The following NPAS3 variants were observed in gnomAD, a reference collection of about 807,000 sequenced individuals.
The protein encoded by NPAS3 is neuronal PAS domain-containing protein 3.
In NPAS3, 14 loss-of-function variants were observed where a neutral mutation model predicts 73.1. The observed-to-expected ratio is 0.19, with a 90% confidence interval of 0.13 to 0.30. The LOEUF (loss-of-function observed/expected upper bound fraction) is 0.30, where lower values mean the gene tolerates loss of function less well. Among genes scored for constraint, NPAS3 ranks in the 10% least tolerant of loss-of-function variants. NPAS3 has a pLI of 1.00. For missense variants in NPAS3, 1,096 were observed against 1,250.0 expected, an observed-to-expected ratio of 0.88 and a Z score of 1.86; for synonymous variants, 620 against 541.5, an observed-to-expected ratio of 1.14 and a Z score of -2.01.
chr14:33,120,733 G>A (rs560011741), intron 2 of NPAS3, among the ~76,000 whole-genome samples: 1 of 152,086 alleles, frequency 6.6e-6, no homozygotes, highest in African/African-American at 2.4e-5. Context: ...CAAGATGCCC[G>A]GATGATTCCT....
chr14:33,776,654 T>C (rs544471260), intron 8 of NPAS3, among the ~76,000 whole-genome samples: 2 of 148,724 alleles, frequency 1.3e-5, no homozygotes, highest in Admixed American at 1.4e-4. Flanking sequence ...GTATGAAAGG[T>C]AATTGCATAT....
chr14:33,746,648 T>G (rs760729927), intron 7 of NPAS3, among the ~76,000 whole-genome samples: 29 of 152,134 alleles, frequency 1.9e-4, no homozygotes, highest in Non-Finnish European at 3.4e-4. Flanking sequence ...GTGAGACATG[T>G]ATTATCACTC....
chr14:33,567,622 C>T (rs556524950), intron 5 of NPAS3, among the ~76,000 whole-genome samples: 6 of 152,278 alleles, frequency 3.9e-5, no homozygotes, highest in Admixed American at 6.5e-5. Flanking sequence ...AAATGCCATC[C>T]GAATTTCCAG....
At chr14:33,307,049 C>T (rs994584791) in intron 3 of NPAS3, among the ~76,000 whole-genome samples, 4 of 152,156 alleles carry the variant, frequency 2.6e-5, no homozygotes, top group African/African-American at 9.7e-5. Context: ...TCTGACCTGG[C>T]TATTGCAGTG....
chr14:33,381,328 A>G (rs1298224959), intron 4 of NPAS3, among the ~76,000 whole-genome samples: 1 of 152,200 alleles, frequency 6.6e-6, no homozygotes. Context: ...TGGTACTTTC[A>G]GTTGGTACCT....
chr14:33,178,274 C>T (rs2045670222), intron 2 of NPAS3, among the ~76,000 whole-genome samples: 1 of 151,890 alleles, frequency 6.6e-6, no homozygotes, highest in Admixed American at 6.6e-5. Flanking sequence ...GGAGTTTCAC[C>T]ATGTTGGCCA....
chr14:33,167,939 C>T (rs975221103), intron 2 of NPAS3, among the ~76,000 whole-genome samples: 2 of 152,174 alleles, frequency 1.3e-5, no homozygotes, highest in Admixed American at 6.5e-5. Flanking sequence ...CTGGGAGATG[C>T]GATCGCCTAA....
At chr14:33,163,020 T>C (rs1380481512) in intron 2 of NPAS3, among the ~76,000 whole-genome samples, 1 of 152,172 alleles carries the variant, frequency 6.6e-6, no homozygotes, top group Non-Finnish European at 1.5e-5. Flanking sequence ...CAGTGACACC[T>C]CTTAACATCA....
chr14:33,775,123 C>T (rs1332130879), intron 8 of NPAS3, among the ~76,000 whole-genome samples: 2 of 152,226 alleles, frequency 1.3e-5, no homozygotes, highest in East Asian at 3.9e-4. Flanking sequence ...ACTTTTTAGC[C>T]TCTGGTTAAA....
chr14:33,330,014 G>T (rs1466654287), intron 3 of NPAS3, among the ~76,000 whole-genome samples: 6 of 152,112 alleles, frequency 3.9e-5, no homozygotes, highest in South Asian at 4.1e-4. Context: ...GGGAGGCCAA[G>T]GTAGGCAGAT....
At chr14:33,624,100 T>A (rs1341478969) in intron 5 of NPAS3, among the ~76,000 whole-genome samples, 1 of 152,212 alleles carries the variant, frequency 6.6e-6, no homozygotes, top group Non-Finnish European at 1.5e-5. Context: ...AACCACTTTC[T>A]GACTTTATTT....
intron 3 of NPAS3, among the ~76,000 whole-genome samples, chr14:33,359,680 G>A (rs1216802032): frequency 6.6e-6 from 1 of 152,172 alleles, no homozygotes; most frequent in East Asian, 1.9e-4. Flanking sequence ...AAAAATTTTA[G>A]TGTATTTGTA....
intron 1 of NPAS3, among the ~76,000 whole-genome samples, chr14:32,978,886 G>A (rs556171951): frequency 6.6e-6 from 1 of 152,174 alleles, no homozygotes; most frequent in African/African-American, 2.4e-5. Flanking sequence ...TCTCTAAGGT[G>A]ACACCCTTTG....
intron 2 of NPAS3, among the ~76,000 whole-genome samples, chr14:33,123,671 G>A (rs1405081237): frequency 1.3e-5 from 2 of 151,926 alleles, no homozygotes; most frequent in Non-Finnish European, 2.9e-5. Context: ...GAAAAACCAA[G>A]TAATGCTGGG....
At chr14:33,494,815 T>G (rs988730253) in intron 4 of NPAS3, among the ~76,000 whole-genome samples, 3 of 152,102 alleles carry the variant, frequency 2.0e-5, no homozygotes, top group Admixed American at 2.0e-4. Context: ...CATGGATTTC[T>G]TATGAAACTG....
intron 1 of NPAS3, among the ~76,000 whole-genome samples, chr14:32,966,153 A>G (rs2037149156): frequency 6.6e-6 from 1 of 152,176 alleles, no homozygotes; most frequent in Non-Finnish European, 1.5e-5. Context: ...TCAGTGCAAT[A>G]CCTATAGAAA....
At chr14:33,310,583 A>G (rs2042960715) in intron 3 of NPAS3, among the ~76,000 whole-genome samples, 1 of 152,190 alleles carries the variant, frequency 6.6e-6, no homozygotes, top group South Asian at 2.1e-4. Context: ...ACTTTAAATG[A>G]AGTGACCATG....
At chr14:33,319,258 T>A (rs886074434) in intron 3 of NPAS3, among the ~76,000 whole-genome samples, 3 of 152,122 alleles carry the variant, frequency 2.0e-5, no homozygotes, top group Non-Finnish European at 4.4e-5. Flanking sequence ...GCTAACACAG[T>A]GTCACTTCTG....
chr14:33,617,531 C>T (rs1215909077), intron 5 of NPAS3, among the ~76,000 whole-genome samples: 1 of 152,170 alleles, frequency 6.6e-6, no homozygotes, highest in East Asian at 1.9e-4. Flanking sequence ...CACCTGTAAC[C>T]TTTGTTATAT....
Sources: gnomAD v4.1 joint callset for allele counts (sites outside exome capture counted in the v4.1 genomes callset) on GRCh38, gnomAD v4.1.1 for gene constraint, MANE v1.5 for transcripts, NCBI Gene and HGNC (gene_info 2026-07-23, HGNC 2026-07-21) for gene names.